The following FERMT1 variants were observed in gnomAD, a reference collection of about 807,000 sequenced individuals.
The protein encoded by FERMT1 is fermitin family homolog 1.
A neutral mutation model predicts 85.3 loss-of-function variants in FERMT1; 60 were observed. That is an observed-to-expected ratio of 0.70 (90% CI 0.57 to 0.87). The LOEUF (loss-of-function observed/expected upper bound fraction) is 0.87, where lower values mean the gene tolerates loss of function less well. Ranked by LOEUF, FERMT1 falls within the 40% of genes least tolerant of loss-of-function variation. The pLI is 0.00. For missense variants in FERMT1, 701 were observed against 818.9 expected, an observed-to-expected ratio of 0.86 and a Z score of 1.76; for synonymous variants, 275 against 301.1, an observed-to-expected ratio of 0.91 and a Z score of 0.90.
Position 6,076,332 on chromosome 20 carries a change from C to T in FERMT1, c.*841G>A, listed in dbSNP as rs2123082024. 2.3e-6 allele frequency: 1 copy of T among 435,916 alleles called. No homozygotes were observed. Among genetic ancestry groups the T allele is most frequent in the African/African-American group, 2.0e-5 (1 of 50,018 alleles). 27.0% of individuals were successfully genotyped at this position (435,916 alleles called of 1,614,324 possible). Reference sequence around the variant, plus strand: ...TTTCTATGAACAGAGAGGACTGTGCCTGTCTTCCTGAATCCCAACCCAGAG... The same window carrying T: ...TTTCTATGAACAGAGAGGACTGTGCTTGTCTTCCTGAATCCCAACCCAGAG... On this transcript the variant is annotated 3_prime_UTR_variant, in exon 15 of 15. Coordinates refer to ENST00000217289, the MANE Select transcript of FERMT1 (RefSeq NM_017671.5).
intron 11 of FERMT1, among the ~76,000 whole-genome samples, chr20:6,086,206 G>A (rs1014296860): frequency 7.9e-5 from 12 of 151,404 alleles, no homozygotes; most frequent in South Asian, 6.3e-4. Flanking sequence ...TGGTGAAACC[G>A]CAAACTGTCA....
At chr20:6,122,308 A>G (rs1011956400) in intron 1 of FERMT1, among the ~76,000 whole-genome samples, 1 of 152,248 alleles carries the variant, frequency 6.6e-6, no homozygotes, top group African/African-American at 2.4e-5. Flanking sequence ...AAACGCATCT[A>G]AGGAGACCAA....
intron 11 of FERMT1, among the ~76,000 whole-genome samples, chr20:6,086,261 C>G (rs1982182202): frequency 6.6e-6 from 1 of 152,160 alleles, no homozygotes; most frequent in African/African-American, 2.4e-5. Context: ...CATCTGGTCT[C>G]TACGCCCAAA....
At position 6,075,405 on chromosome 20, in the gene FERMT1, A is replaced by C. The variant is rs1239515459; in HGVS notation, c.*1768T>G. Reference sequence around the variant, plus strand: ...GACCAACATCAAGTATATACGGTACACTTAGCACTTGTTTCTATAGAAAAC... The same window carrying C: ...GACCAACATCAAGTATATACGGTACCCTTAGCACTTGTTTCTATAGAAAAC... On this transcript the variant is annotated 3_prime_UTR_variant, in exon 15 of 15. Coordinates refer to ENST00000217289, the MANE Select transcript of FERMT1 (RefSeq NM_017671.5). The C allele has an allele frequency of 2.0e-5, 3 of 152,248 alleles. No homozygotes were observed. Among genetic ancestry groups the C allele is most frequent in the African/African-American group, 7.2e-5 (3 of 41,404 alleles). 9.4% of individuals were successfully genotyped at this position (152,248 alleles called of 1,614,324 possible). A position where few individuals can be genotyped will look rare whatever the true frequency, so the allele number is the denominator to read the frequency against.
intron 2 of FERMT1, 54 bp from the exon 3 acceptor site, chr20:6,116,098 G>A (rs1482610861): frequency 1.6e-6 from 2 of 1,249,746 alleles, no homozygotes; most frequent in East Asian, 4.7e-5. Context: ...AGCTTGGAGG[G>A]TCCTGGAGCT....
intron 2 of FERMT1, among the ~76,000 whole-genome samples, chr20:6,119,011 G>C (rs538693846): frequency 6.6e-5 from 10 of 150,494 alleles, no homozygotes; most frequent in South Asian, 4.2e-4. Flanking sequence ...GCAGTGGCAC[G>C]ATCTTGGCTC....
chr20:6,103,767 GTTT>G (rs66482243), intron 6 of FERMT1, among the ~76,000 whole-genome samples: 4 of 102,070 alleles, frequency 3.9e-5, no homozygotes, highest in Admixed American at 9.8e-5. Context: ...CTTTGTTATA[GTTT>G]TTTTTTTTTT....
chr20:6,097,229 C>T (rs1568659032), intron 7 of FERMT1, among the ~76,000 whole-genome samples, 196 bp from the exon 8 acceptor site: 1 of 152,148 alleles, frequency 6.6e-6, no homozygotes, highest in African/African-American at 2.4e-5. Context: ...AGTCATGTTA[C>T]AACTGGCTCT....
chr20:6,118,968 C>G (rs6053921), intron 2 of FERMT1, among the ~76,000 whole-genome samples: 88,891 of 150,070 alleles, frequency 0.59, 26,754 homozygotes, highest in East Asian at 0.84. Context: ...TTTCCCCCGA[C>G]ACCGAGTCTT....
chr20:6,110,831 C>T (rs984164031), intron 4 of FERMT1, among the ~76,000 whole-genome samples: 1 of 152,180 alleles, frequency 6.6e-6, no homozygotes, highest in African/African-American at 2.4e-5. Context: ...ATTAGTAATA[C>T]ACAGGTAATG....
At chr20:6,082,951 C>A (rs909934464) in intron 13 of FERMT1, among the ~76,000 whole-genome samples, 1 of 152,132 alleles carries the variant, frequency 6.6e-6, no homozygotes, top group South Asian at 2.1e-4. Flanking sequence ...TGAGCCACCG[C>A]GCCCAGCTGG....
At chr20:6,119,641 G>C (rs1482373172) in intron 1 of FERMT1, 69 bp from the exon 2 acceptor site, 2 of 1,358,868 alleles carry the variant, frequency 1.5e-6, no homozygotes, top group African/African-American at 1.4e-5. Flanking sequence ...TAGACTTGCA[G>C]AGCAAAATTT....
At chr20:6,112,230 C>A (rs746925381) in intron 4 of FERMT1, among the ~76,000 whole-genome samples, 1 of 152,030 alleles carries the variant, frequency 6.6e-6, no homozygotes, top group Non-Finnish European at 1.5e-5. Context: ...GTCAGTGGTA[C>A]TAAAATTTTG....
chr20:6,090,911 C>T (rs147269127), intron 9 of FERMT1, among the ~76,000 whole-genome samples: 5,602 of 151,986 alleles, frequency 0.037, 140 homozygotes, highest in South Asian at 0.071. Context: ...TGTCTGTAAT[C>T]CCAGCACTTT....
rs1983319266 is a variant in FERMT1, at chr20:6,122,859, A to G, written c.-104T>C. 1 of 152,552 alleles carries G rather than the reference A, an allele frequency of 6.6e-6. No homozygotes were observed. Among genetic ancestry groups the G allele is most frequent in the Non-Finnish European group, 1.5e-5 (1 of 68,390 alleles). The allele number at this position is 152,552 out of a possible 1,614,324, so 9.4% of individuals were successfully genotyped here. On this transcript the variant is annotated 5_prime_UTR_variant, in exon 1 of 15. Transcript: ENST00000217289. Reference sequence around the variant, plus strand: ...CTACAAACTACCCCGGGCCGAGCCGAGGAGCGGGCGCTGGCGAAGTGGGGA... The same window carrying G: ...CTACAAACTACCCCGGGCCGAGCCGGGGAGCGGGCGCTGGCGAAGTGGGGA...
At chr20:6,112,045 T>A (rs757581090) in intron 4 of FERMT1, among the ~76,000 whole-genome samples, 7 of 151,976 alleles carry the variant, frequency 4.6e-5, no homozygotes, top group Non-Finnish European at 8.8e-5. Flanking sequence ...TTATTTATTT[T>A]TTGTATTTTT....
In FERMT1 at chr20:6,096,887, AG is replaced by A. The variant is rs1247975115; in HGVS notation, c.1089+14del. On this transcript the variant is annotated intron_variant, in intron 8 of 14. Coordinates refer to ENST00000217289, the MANE Select transcript of FERMT1 (RefSeq NM_017671.5). ...AAGAAAGCCACAGTTCTGGGTGATC[AG>A]AAAAAGTTCATACCAAAAGGCTGTC... 1.2e-6 allele frequency: 2 copies of A among 1,611,474 alleles called. No homozygotes were observed. Among genetic ancestry groups the A allele is most frequent in the Non-Finnish European group, 1.7e-6 (2 of 1,178,548 alleles).
At chr20:6,097,085 T>C (rs1600436352) in intron 7 of FERMT1, 52 bp from the exon 8 acceptor site, 5 of 1,536,932 alleles carry the variant, frequency 3.3e-6, no homozygotes, top group Non-Finnish European at 3.6e-6. Flanking sequence ...ATGTTATAAA[T>C]ATAAATGAAT....
chr20:6,120,287 G>A (rs1983236115), intron 1 of FERMT1: 1 of 152,106 alleles, frequency 6.6e-6, no homozygotes. Flanking sequence ...ATTGTTCTAT[G>A]TCATATAAAA....
Sources: gnomAD v4.1 joint callset for allele counts (sites outside exome capture counted in the v4.1 genomes callset) on GRCh38, gnomAD v4.1.1 for gene constraint, MANE v1.5 for transcripts, NCBI Gene and HGNC (gene_info 2026-07-23, HGNC 2026-07-21) for gene names.